Variants in RAB6A observed in about 807,000 individuals in gnomAD.
The protein encoded by RAB6A is ras-related protein Rab-6A.
RAB6A carries 8 observed loss-of-function variants against 32.3 expected under a neutral mutation model. The observed-to-expected ratio is 0.25, with a 90% confidence interval of 0.15 to 0.45. RAB6A has a LOEUF of 0.45. Ranked by LOEUF, RAB6A falls within the 20% of genes least tolerant of loss-of-function variation. RAB6A has a pLI of 1.00. For missense variants in RAB6A, 104 were observed against 249.4 expected (o/e 0.42, Z 3.93); for synonymous variants, 73 against 82.1 (o/e 0.89, Z 0.60).
intron 1 of RAB6A, among the ~76,000 whole-genome samples, chr11:73,742,436 A>G (rs570786445): frequency 7.9e-5 from 12 of 152,320 alleles, no homozygotes; most frequent in African/African-American, 2.9e-4. Context: ...CCACACGCAG[A>G]CAAAAAAACT....
Position 73,739,304 on chromosome 11 carries a change from T to TATATATATATATATATATATATATAA in RAB6A, c.71-8482_71-8481insTTATATATATATATATATATATATAT, listed in dbSNP as rs375733945. ...AAAAAAATATATATATATATATATATAAATACTGGAACACCAAAGATAACT... is the reference window on the plus strand; with the variant it reads ...AAAAAAATATATATATATATATATATATATATATATATATATATATATATAAAAATACTGGAACACCAAAGATAACT... On this transcript the variant is annotated intron_variant, in intron 1 of 7. Coordinates refer to ENST00000336083, the MANE Select transcript of RAB6A (RefSeq NM_198896.2). 1.6e-3 allele frequency among the ~76,000 whole-genome samples: 52 copies of TATATATATATATATATATATATATAA among 31,774 alleles called. 3 individuals carry two copies. The highest frequency in any genetic ancestry group is 3.2e-3 in the Non-Finnish European group (43 of 13,428). The allele number at this position is 31,774 out of a possible 152,430, so 20.8% of individuals were successfully genotyped here.
intron 4 of RAB6A, among the ~76,000 whole-genome samples, chr11:73,716,704 C>A (rs758651547): frequency 6.6e-6 from 1 of 152,046 alleles, no homozygotes; most frequent in Non-Finnish European, 1.5e-5. Flanking sequence ...TGCCACAATG[C>A]TTTTTTGATC....
chr11:73,716,203 C>T, intron 5 of RAB6A, 48 bp downstream of exon 5: 1 of 1,367,140 alleles, frequency 7.3e-7, no homozygotes, highest in Non-Finnish European at 1.0e-6. Context: ...AAATAAAAGG[C>T]TGCATCACAG....
chr11:73,691,498 G>A (rs1366399164), intron 6 of RAB6A, among the ~76,000 whole-genome samples: 1 of 152,168 alleles, frequency 6.6e-6, no homozygotes, highest in Non-Finnish European at 1.5e-5. Flanking sequence ...GTTATTTACT[G>A]CACTGATTGT....
At chr11:73,732,960 G>T (rs1417389756) in intron 1 of RAB6A, among the ~76,000 whole-genome samples, 1 of 151,924 alleles carries the variant, frequency 6.6e-6, no homozygotes, top group African/African-American at 2.4e-5. Context: ...TTACAGGCGT[G>T]TGCCACCATG....
intron 1 of RAB6A, among the ~76,000 whole-genome samples, chr11:73,751,224 C>T (rs554820719): frequency 3.9e-5 from 6 of 152,012 alleles, no homozygotes; most frequent in Non-Finnish European, 5.9e-5. Flanking sequence ...GGCTGTAGTA[C>T]GCTATAATCA....
chr11:73,720,975 A>C (rs2134951961), intron 2 of RAB6A, 76 bp from the exon 3 acceptor site: 1 of 1,013,386 alleles, frequency 9.9e-7, no homozygotes, highest in Non-Finnish European at 1.5e-6. Context: ...AATGGGATTC[A>C]TGATTGTGGA....
chr11:73,739,285 AT>A lies in RAB6A; in HGVS notation c.71-8463del, dbSNP rs535785327. 6.9e-3 allele frequency among the ~76,000 whole-genome samples: 138 copies of A among 19,890 alleles called. 2 individuals carry two copies. Among genetic ancestry groups the A allele is most frequent in the African/African-American group, 8.4e-3 (67 of 7,976 alleles). 13.0% of individuals were successfully genotyped at this position (19,890 alleles called of 152,430 possible). On this transcript the variant is annotated intron_variant, in intron 1 of 7. Coordinates refer to ENST00000336083, the MANE Select transcript of RAB6A (RefSeq NM_198896.2). Reference sequence around the variant, plus strand: ...AATTAAAAAAAAAAAAAAAAAAAAAATATATATATATATATATATAAATACT... The same window carrying A: ...AATTAAAAAAAAAAAAAAAAAAAAAAATATATATATATATATATAAATACT...
intron 6 of RAB6A, among the ~76,000 whole-genome samples, chr11:73,696,647 T>G (rs1945660790): frequency 6.6e-6 from 1 of 152,078 alleles, no homozygotes; most frequent in Non-Finnish European, 1.5e-5. Context: ...TGAGACAAGG[T>G]CTTGCTCTGT....
chr11:73,709,999 C>T (rs1289799734), intron 5 of RAB6A, among the ~76,000 whole-genome samples: 1 of 146,742 alleles, frequency 6.8e-6, no homozygotes, highest in African/African-American at 2.5e-5. Flanking sequence ...TGCTCTGTCG[C>T]CCAGACTGGA....
At chr11:73,755,357 G>A (rs773201678) in intron 1 of RAB6A, among the ~76,000 whole-genome samples, 68 of 151,452 alleles carry the variant, frequency 4.5e-4, no homozygotes, top group Middle Eastern at 3.2e-3. Flanking sequence ...GCAGTGGCAC[G>A]ATCTTGGCTC....
At chr11:73,759,912 T>C (rs1256665776) in intron 1 of RAB6A, 13 of 688,536 alleles carry the variant, frequency 1.9e-5, no homozygotes, top group Non-Finnish European at 2.8e-5. Context: ...AAATCTCCAC[T>C]GCCGACGCTA....
intron 1 of RAB6A, among the ~76,000 whole-genome samples, chr11:73,754,282 G>A (rs545010057): frequency 5.9e-5 from 9 of 152,300 alleles, no homozygotes; most frequent in African/African-American, 2.2e-4. Flanking sequence ...AGATACAATT[G>A]ACTTGATATT....
chr11:73,709,860 C>CATATATATACATATATACAT (rs71065027), intron 5 of RAB6A, among the ~76,000 whole-genome samples: 2 of 146,412 alleles, frequency 1.4e-5, no homozygotes, highest in African/African-American at 5.0e-5. Context: ...TACATATATA[C>CATATATATACATATATACAT]ATATATACAC....
At chr11:73,710,603 G>C (rs183493748) in intron 5 of RAB6A, among the ~76,000 whole-genome samples, 1 of 151,886 alleles carries the variant, frequency 6.6e-6, no homozygotes, top group Non-Finnish European at 1.5e-5. Flanking sequence ...TGGGTGTGGC[G>C]GTGCATCCCT....
chr11:73,757,372 A>C (rs35130893), intron 1 of RAB6A, among the ~76,000 whole-genome samples: 6,870 of 150,724 alleles, frequency 0.046, 183 homozygotes, highest in Middle Eastern at 0.072. Flanking sequence ...GGACTCCACC[A>C]TGTTAGCCAG....
At chr11:73,697,910 C>T (rs1400257989) in intron 6 of RAB6A, among the ~76,000 whole-genome samples, 2 of 152,120 alleles carry the variant, frequency 1.3e-5, no homozygotes, top group African/African-American at 4.8e-5. Context: ...GATTTCTGAC[C>T]ATTCAGTTAT....
At position 73,707,421 on chromosome 11, in the gene RAB6A, T is replaced by C; in HGVS notation, c.494A>G (p.Gln165Arg). 1 of 1,607,568 alleles carries C rather than the reference T, an allele frequency of 6.2e-7. No homozygotes were observed. The change falls in exon 6 of 8, where the codon CAG becomes CGG. Residue 165 changes from glutamine (Q) to arginine (R), a missense_variant and splice_region_variant. Physicochemically the swap from Gln to Arg is conservative, Grantham distance 43. Around this residue, in one of 4 missense-constraint regions of RAB6A, gnomAD observed 33 missense variants for 59.5 expected, o/e 0.55. Coordinates refer to ENST00000336083, the MANE Select transcript of RAB6A (RefSeq NM_198896.2). ...TTTGGTAACCTCAACTCAACTTACC[T>C]GCTTTACATTGTATCCAGCTTTTGC... is the stretch of plus-strand genomic sequence containing the variant. ...TSAKAGYNVKQLFRRVAAALP... is the reference protein window; with the variant it reads ...TSAKAGYNVKRLFRRVAAALP...
rs930442582 is a variant in RAB6A, at chr11:73,759,790, G to T, written c.70+776C>A. On this transcript the variant is annotated intron_variant, in intron 1 of 7. Coordinates refer to ENST00000336083, the MANE Select transcript of RAB6A (RefSeq NM_198896.2). ...GTAAAATGATCATGACATAGCATCT[G>T]GCAGAGATTGAAAAATCATCAACAT... Among the ~76,000 whole-genome samples the T allele has an allele frequency of 3.7e-4, 56 of 152,166 alleles. 1 individual carries two copies. The highest frequency in any genetic ancestry group is 5.9e-4 in the Admixed American group (9 of 15,276).
Sources: gnomAD v4.1 joint callset for allele counts (sites outside exome capture counted in the v4.1 genomes callset) on GRCh38, gnomAD v4.1.1 for gene constraint, gnomAD v4.1.1 regional missense constraint, MANE v1.5 for transcripts, NCBI Gene and HGNC (gene_info 2026-07-23, HGNC 2026-07-21) for gene names.